The following CFAP20DC variants were observed in gnomAD, a reference collection of about 807,000 sequenced individuals.
CFAP20DC encodes CFAP20 domain containing.
Under a neutral mutation model 101.7 loss-of-function variants are expected in CFAP20DC, and 84 were observed. The observed-to-expected ratio is 0.83, with a 90% CI of 0.69 to 0.99. CFAP20DC has a LOEUF of 0.99. Ranked by LOEUF, CFAP20DC falls within the 50% of genes least tolerant of loss-of-function variation. The pLI, the probability that CFAP20DC is intolerant of heterozygous loss-of-function variation, is 0.00. For synonymous variants in CFAP20DC, 359 were observed against 351.2 expected, an observed-to-expected ratio of 1.02 and a Z score of -0.25; for missense variants, 1,007 against 970.3, an observed-to-expected ratio of 1.04 and a Z score of -0.50.
intron 13 of CFAP20DC, among the ~76,000 whole-genome samples, chr3:58,838,561 CT>C (rs1461533512): frequency 6.6e-6 from 1 of 152,036 alleles, no homozygotes; most frequent in South Asian, 2.1e-4. Flanking sequence ...ATGTGTCTCT[CT>C]TTTTTGGGGA....
intron 14 of CFAP20DC, among the ~76,000 whole-genome samples, chr3:58,815,274 A>C (rs2075022140): frequency 6.6e-6 from 1 of 150,914 alleles, no homozygotes; most frequent in Non-Finnish European, 1.5e-5. Context: ...TCCCTATTTA[A>C]TAAATGGTGC....
chr3:58,767,306 G>T (rs369964500), intron 15 of CFAP20DC, among the ~76,000 whole-genome samples: 41 of 152,022 alleles, frequency 2.7e-4, no homozygotes, highest in African/African-American at 9.4e-4. Flanking sequence ...TACACACACA[G>T]GTCAGGGACA....
intron 4 of CFAP20DC, among the ~76,000 whole-genome samples, chr3:58,950,312 T>C (rs1187459984): frequency 6.6e-6 from 1 of 152,146 alleles, no homozygotes; most frequent in Non-Finnish European, 1.5e-5. Context: ...GAAGAATCAA[T>C]ATTGTGAAAA....
At position 58,925,592 on chromosome 3, in the gene CFAP20DC, A is replaced by G. The variant is rs572354341; in HGVS notation, c.394-11728T>C. ...TTTACAAGTTAATAAGCATGGATTC[A>G]TGTCAATAGAAAATAGTAAAGTAAT... On this transcript the variant is annotated intron_variant, in intron 5 of 16. Transcript: ENST00000482387. Among the ~76,000 whole-genome samples the G allele has an allele frequency of 2.0e-5, 3 of 152,360 alleles. No individual in the cohort carries two copies. In the East Asian group the frequency reaches 5.8e-4, roughly 29 times the overall value.
intron 4 of CFAP20DC, among the ~76,000 whole-genome samples, chr3:58,956,301 T>A (rs1179160784): frequency 6.6e-6 from 1 of 151,892 alleles, no homozygotes; most frequent in Admixed American, 6.6e-5. Flanking sequence ...GGGAGCCCAT[T>A]TTCCTGGAGG....
intron 4 of CFAP20DC, among the ~76,000 whole-genome samples, chr3:58,982,098 C>T (rs936663176): frequency 2.0e-5 from 3 of 152,128 alleles, no homozygotes; most frequent in Admixed American, 6.5e-5. Flanking sequence ...CCAAAAGACA[C>T]ATGAAAAAAT....
At position 58,788,092 on chromosome 3, in the gene CFAP20DC, T is replaced by C. The variant is rs542183190; in HGVS notation, c.2237+18303A>G. On this transcript the variant is annotated intron_variant, in intron 15 of 16. Transcript: ENST00000482387. The surrounding 1 kb of genome is among the most constrained non-coding windows in gnomAD (Gnocchi z 4.2). ...CATGGCATGTGTATACCTATACATA[T>C]ATAACAAACCTGCATGTTCTGCACA... is the stretch of plus-strand genomic sequence containing the variant. Among the ~76,000 whole-genome samples, 15 of 151,456 alleles carry C rather than the reference T, an allele frequency of 9.9e-5. 1 individual carries two copies. Among genetic ancestry groups the C allele is most frequent in the South Asian group, 6.3e-4 (3 of 4,778 alleles).
chr3:58,861,557 T>C lies in CFAP20DC; in HGVS notation c.1593+2001A>G. Reference sequence around the variant, plus strand: ...AAGTACAAAAGAAAAAATCCAATTTTGTTAAGAAGGTATCATTACACATGC... The same window carrying C: ...AAGTACAAAAGAAAAAATCCAATTTCGTTAAGAAGGTATCATTACACATGC... On this transcript the variant is annotated intron_variant, in intron 12 of 16. Transcript: ENST00000482387. This position sits in a 1 kb window ranked among gnomAD's most constrained non-coding sequence, Gnocchi z 4.0. The C allele has an allele frequency of 1.0e-6, 1 of 984,406 alleles. No homozygotes were observed. The highest frequency in any genetic ancestry group is 1.2e-6 in the Non-Finnish European group (1 of 828,938). The allele number at this position is 984,406 out of a possible 1,614,324, so 61.0% of individuals were successfully genotyped here. A position where few individuals can be genotyped will look rare whatever the true frequency, so the allele number is the denominator to read the frequency against.
At chr3:58,786,531 C>T (rs2107605402) in intron 15 of CFAP20DC, among the ~76,000 whole-genome samples, 1 of 152,180 alleles carries the variant, frequency 6.6e-6, no homozygotes, top group Middle Eastern at 3.4e-3. Flanking sequence ...TGTGCTGTCC[C>T]TGTCTGTCTT....
chr3:58,818,497 TCTGATAAAA>T (rs2075368932), intron 14 of CFAP20DC, among the ~76,000 whole-genome samples: 1 of 151,446 alleles, frequency 6.6e-6, no homozygotes, highest in Non-Finnish European at 1.5e-5. Flanking sequence ...AATCCTAGTC[TCTGATAAAA>T]CAGACTTTAA....
chr3:58,774,555 T>G (rs1417835853), intron 15 of CFAP20DC, among the ~76,000 whole-genome samples: 1 of 152,126 alleles, frequency 6.6e-6, no homozygotes, highest in Non-Finnish European at 1.5e-5. Flanking sequence ...CACAATAAAA[T>G]AGAAGCACAA....
At chr3:58,890,720 G>T (rs1367553629) in intron 6 of CFAP20DC, among the ~76,000 whole-genome samples, 1 of 148,676 alleles carries the variant, frequency 6.7e-6, no homozygotes, top group Non-Finnish European at 1.5e-5. Flanking sequence ...GGGCGGCCGG[G>T]CAGAGACGCT....
Position 58,848,893 on chromosome 3 carries a change from C to G in CFAP20DC, c.1971+139G>C, listed in dbSNP as rs532194827. On this transcript the variant is annotated intron_variant, in intron 13 of 16. Coordinates refer to ENST00000482387, the MANE Select transcript of CFAP20DC (RefSeq NM_001394063.1). ...AACAGCTGCTATTACCAAACTAAAA[C>G]ACATCAGAACAGGAAAGAAAATACA... The G allele has an allele frequency of 6.8e-4, 722 of 1,066,728 alleles. 7 individuals are homozygous for G. The African/African-American group carries it at 0.011, about 16-fold the overall frequency. The allele number at this position is 1,066,728 out of a possible 1,614,324, so 66.1% of individuals were successfully genotyped here.
intron 13 of CFAP20DC, among the ~76,000 whole-genome samples, chr3:58,839,063 G>C (rs1005990962): frequency 6.6e-6 from 1 of 152,090 alleles, no homozygotes; most frequent in African/African-American, 2.4e-5. Context: ...GGAGTGGGAA[G>C]ATGATAACTT....
At chr3:58,958,456 C>A (rs566951154) in intron 4 of CFAP20DC, among the ~76,000 whole-genome samples, 1 of 152,096 alleles carries the variant, frequency 6.6e-6, no homozygotes, top group Non-Finnish European at 1.5e-5. Flanking sequence ...GCTGTTTCCA[C>A]GTTTGGCCAA....
At chr3:58,993,897 G>A (rs1455724428) in intron 4 of CFAP20DC, among the ~76,000 whole-genome samples, 1 of 152,172 alleles carries the variant, frequency 6.6e-6, no homozygotes, top group African/African-American at 2.4e-5. Flanking sequence ...GAGCATACAT[G>A]TGCAAATATG....
At chr3:58,747,123 C>T (rs907510401) in intron 16 of CFAP20DC, among the ~76,000 whole-genome samples, 2 of 152,184 alleles carry the variant, frequency 1.3e-5, no homozygotes, top group African/African-American at 4.8e-5. Context: ...TGCTACTAGA[C>T]TAAGAGCATC....
At chr3:58,780,022 G>T (rs1306072773) in intron 15 of CFAP20DC, among the ~76,000 whole-genome samples, 19 of 152,066 alleles carry the variant, frequency 1.2e-4, no homozygotes, top group Non-Finnish European at 7.4e-5. Context: ...TTTCTCAGCA[G>T]AAACTTTACA....
chr3:58,976,732 T>TCTCTGTGCACTCTGGTTTC, intron 4 of CFAP20DC, among the ~76,000 whole-genome samples: 1 of 152,286 alleles, frequency 6.6e-6, no homozygotes, highest in East Asian at 1.9e-4. Context: ...GCATGGGTTT[T>TCTCTGTGCACTCTGGTTTC]CTCTGTGCAC....
Sources: allele counts gnomAD v4.1 joint callset (sites outside exome capture counted in the v4.1 genomes callset), GRCh38; gene constraint gnomAD v4.1.1; non-coding constraint Gnocchi (gnomAD v3.1); transcripts MANE v1.5; gene names NCBI Gene and HGNC (gene_info 2026-07-23, HGNC 2026-07-21).